DENND3: variants seen among roughly 807,000 people sequenced by gnomAD.
The protein encoded by DENND3 is DENN domain-containing protein 3.
Under a neutral mutation model 135.1 loss-of-function variants are expected in DENND3, and 88 were observed. That is an observed-to-expected ratio of 0.65 (90% CI 0.55 to 0.78). The LOEUF (loss-of-function observed/expected upper bound fraction) is 0.78, where lower values mean the gene tolerates loss of function less well. DENND3 is among the 30% of genes least tolerant of loss of function. DENND3 has a pLI of 0.00. For missense variants in DENND3, 1,392 were observed against 1,688.4 expected, an observed-to-expected ratio of 0.82 and a Z score of 3.08; for synonymous variants, 693 against 712.3, an observed-to-expected ratio of 0.97 and a Z score of 0.43.
At chr8:141,143,346 T>C (rs1350037199) in intron 4 of DENND3, among the ~76,000 whole-genome samples, 7 of 152,248 alleles carry the variant, frequency 4.6e-5, no homozygotes, top group Admixed American at 6.5e-5. Flanking sequence ...TATGTATACA[T>C]GTGCCATGTT....
intron 18 of DENND3, 60 bp from the exon 19 acceptor site, chr8:141,188,926 A>G: frequency 6.3e-7 from 1 of 1,584,098 alleles, no homozygotes; most frequent in South Asian, 1.1e-5. Context: ...AATGTATAGA[A>G]TATGACTTCA....
chr8:141,145,144 G>A (rs1317674179), intron 5 of DENND3, among the ~76,000 whole-genome samples: 1 of 152,160 alleles, frequency 6.6e-6, no homozygotes, highest in Non-Finnish European at 1.5e-5. Flanking sequence ...TTCTCTCTGA[G>A]GGCTGCCACC....
At position 141,167,462 on chromosome 8, in the gene DENND3, C is replaced by A. The variant is rs371932887; in HGVS notation, c.1754-542C>A. 2.4e-3 allele frequency among the ~76,000 whole-genome samples: 363 copies of A among 152,282 alleles called. 1 individual carries two copies. Among genetic ancestry groups the A allele is most frequent in the African/African-American group, 8.4e-3 (350 of 41,558 alleles). ...GTTGGTGCCTAGCTCCTGGAGGGCC[C>A]TTAGGTAACATCTATAGAAGGAGTT... On this transcript the variant is annotated intron_variant, in intron 12 of 22. Transcript: ENST00000519811. The surrounding 1 kb of genome is among the most constrained non-coding windows in gnomAD (Gnocchi z 4.1).
chr8:141,129,729 T>C (rs1339014022), intron 1 of DENND3: 10 of 152,136 alleles, frequency 6.6e-5, no homozygotes, highest in African/African-American at 2.2e-4. Context: ...GGCTTCTGAG[T>C]ATTTAAATGA....
At position 141,151,720 on chromosome 8, in the gene DENND3, G is replaced by A. The variant is rs77142252; in HGVS notation, c.957G>A (p.Pro319=). 1.1e-3 allele frequency: 1,842 copies of A among 1,614,160 alleles called. 19 individuals carry two copies. The African/African-American group carries it at 0.02, about 17-fold the overall frequency. Residue 319 remains proline, a synonymous_variant, in exon 7 of 23, where the codon CCG becomes CCA. Transcript: ENST00000519811. ...AGTGCTTCATGGCCTACCTGTATCC[G>A]CTGCAGTGGCAGCACCCCTTCGTGC... ...VTECFMAYLY[P]LQWQHPFVPI...
rs754473460 is a variant in DENND3, at chr8:141,141,184, G to A, written c.502-19G>A. On this transcript the variant is annotated intron_variant, in intron 3 of 22. Coordinates refer to ENST00000519811, the MANE Select transcript of DENND3 (RefSeq NM_001352890.3). This position sits in a 1 kb window ranked among gnomAD's most constrained non-coding sequence, Gnocchi z 5.3. ...GCCAAGGTGGGGAGGTGACCATGTC[G>A]CTGTTGCTTTTCATGTAGGATGAGT... 3.1e-6 allele frequency: 5 copies of A among 1,614,116 alleles called. No individual in the cohort carries two copies. The highest frequency in any genetic ancestry group is 1.7e-5 in the Admixed American group (1 of 60,032).
At chr8:141,185,659 C>A (rs1187974628) in intron 18 of DENND3, among the ~76,000 whole-genome samples, 2 of 151,766 alleles carry the variant, frequency 1.3e-5, no homozygotes, top group East Asian at 3.9e-4. Flanking sequence ...GACCCCATCT[C>A]TACAAAAACT....
intron 9 of DENND3, among the ~76,000 whole-genome samples, chr8:141,161,581 A>T (rs1257161459): frequency 6.6e-6 from 1 of 152,130 alleles, no homozygotes; most frequent in Non-Finnish European, 1.5e-5. Flanking sequence ...TTTAATGCAA[A>T]AGCCTTTGGG....
intron 5 of DENND3, among the ~76,000 whole-genome samples, chr8:141,147,739 T>G (rs1818338550): frequency 1.3e-5 from 2 of 152,236 alleles, no homozygotes; most frequent in South Asian, 2.1e-4. Flanking sequence ...GACTCTGAGC[T>G]GCACGAAGGT....
chr8:141,154,062 C>T lies in DENND3; in HGVS notation c.1075-1787C>T, dbSNP rs1178312948. On this transcript the variant is annotated intron_variant, in intron 7 of 22. Coordinates refer to ENST00000519811, the MANE Select transcript of DENND3 (RefSeq NM_001352890.3). The surrounding 1 kb of genome is among the most constrained non-coding windows in gnomAD (Gnocchi z 4.4). The stretch of plus-strand genomic sequence containing the variant: ...AAGACGCTGGGCGTTAACACATCCA[C>T]GGGACCGGCTGTGTGCCTCGCTGCT... Among the ~76,000 whole-genome samples the T allele has an allele frequency of 2.0e-5, 3 of 152,216 alleles. No homozygotes were observed. The highest frequency in any genetic ancestry group is 2.9e-5 in the Non-Finnish European group (2 of 68,038).
intron 7 of DENND3, among the ~76,000 whole-genome samples, chr8:141,155,163 G>C (rs984008289): frequency 1.3e-5 from 2 of 152,142 alleles, no homozygotes; most frequent in Non-Finnish European, 2.9e-5. Context: ...GTTTTGGGAT[G>C]ATGAAAACAT....
chr8:141,191,245 G>T (rs554716002), intron 20 of DENND3: 5 of 152,328 alleles, frequency 3.3e-5, no homozygotes, highest in African/African-American at 9.6e-5. Context: ...TCTGAATTTG[G>T]TTTTTACAGA....
At chr8:141,163,679 G>A (rs1427176719) in intron 10 of DENND3, among the ~76,000 whole-genome samples, 5 of 151,884 alleles carry the variant, frequency 3.3e-5, no homozygotes, top group South Asian at 4.1e-4. Flanking sequence ...AGGCCGAGGC[G>A]GGCAGATCAC....
intron 13 of DENND3, among the ~76,000 whole-genome samples, chr8:141,171,688 AGTG>A (rs930756024): frequency 3.3e-5 from 5 of 152,236 alleles, no homozygotes; most frequent in African/African-American, 1.2e-4. Flanking sequence ...AGATGTGCAC[AGTG>A]GTCATAAGTG....
intron 22 of DENND3, 110 bp downstream of exon 22, chr8:141,192,773 C>T (rs762250779): frequency 2.1e-5 from 33 of 1,601,864 alleles, no homozygotes; most frequent in South Asian, 1.6e-4. Flanking sequence ...CTCCTGCCTT[C>T]GCCTCTCAGG....
chr8:141,179,679 C>T (rs1245557301), intron 16 of DENND3, among the ~76,000 whole-genome samples: 1 of 152,276 alleles, frequency 6.6e-6, no homozygotes, highest in Admixed American at 6.5e-5. Context: ...GCTTTCACCG[C>T]AGCCCGGTGT....
Position 141,138,039 on chromosome 8 carries a change from A to C in DENND3, c.403A>C (p.Thr135Pro). Residue 135 changes from threonine (T) to proline (P), a missense_variant, in exon 3 of 23, where the codon ACT (threonine) becomes CCT (proline). Transcript: ENST00000519811. This position sits in a 1 kb window ranked among gnomAD's most constrained non-coding sequence, Gnocchi z 4.8. ...GCCTGCAGGGGGTGTGTGCGTGGCC[A>C]CTGAACCTAAGGAGGATTGCGTCCA... ...LCFPGGVCVA[T>P]EPKEDCVHFL... 1 of 1,604,686 alleles carries C rather than the reference A, an allele frequency of 6.2e-7. No individual in the cohort carries two copies.
In DENND3 at chr8:141,141,374, CCT is replaced by C. The variant is rs1817433181; in HGVS notation, c.623+54_623+55del. 6.2e-7 allele frequency: 1 copy of C among 1,603,214 alleles called. No individual in the cohort carries two copies. Among genetic ancestry groups the C allele is most frequent in the Non-Finnish European group, 8.5e-7 (1 of 1,175,256 alleles). ...GGGTGGTAGGGGGCAGCTCTTTGTGCCTCTCCAGGTGAGCCAAGGGACCAGGG... is the reference window on the plus strand; with the variant it reads ...GGGTGGTAGGGGGCAGCTCTTTGTGCCTCCAGGTGAGCCAAGGGACCAGGG... On this transcript the variant is annotated intron_variant, in intron 4 of 22. Transcript: ENST00000519811. This position sits in a 1 kb window ranked among gnomAD's most constrained non-coding sequence, Gnocchi z 5.3.
rs181836354 is a variant in DENND3, at chr8:141,179,827, G to A, written c.2837-920G>A. Reference sequence around the variant, plus strand: ...GGGATAACGGGACCAATCTCATCAGGTTGCTATGACAGTAACAAAATGATG... The same window carrying A: ...GGGATAACGGGACCAATCTCATCAGATTGCTATGACAGTAACAAAATGATG... On this transcript the variant is annotated intron_variant, in intron 16 of 22. Transcript: ENST00000519811. Among the ~76,000 whole-genome samples, 102 of 152,326 alleles carry A rather than the reference G, an allele frequency of 6.7e-4. No homozygotes were observed. The East Asian group carries it at 0.019, about 28-fold the overall frequency.
Sources: gnomAD v4.1 joint callset for allele counts (sites outside exome capture counted in the v4.1 genomes callset) on GRCh38, gnomAD v4.1.1 for gene constraint, Gnocchi (gnomAD v3.1) non-coding constraint, MANE v1.5 for transcripts, NCBI Gene and HGNC (gene_info 2026-07-23, HGNC 2026-07-21) for gene names.